LRP1: variants seen among roughly 807,000 people sequenced by gnomAD.
The protein encoded by LRP1 is prolow-density lipoprotein receptor-related protein 1.
In LRP1, 51 loss-of-function variants were observed where a neutral mutation model predicts 541.5. The observed-to-expected ratio is 0.09, with a 90% CI of 0.08 to 0.12. The LOEUF is 0.12. LRP1 is among the 10% of genes least tolerant of loss of function. The probability of loss-of-function intolerance (pLI) is 1.00; values close to 1 mark genes in which losing one functional copy is unlikely to be tolerated. For missense variants in LRP1, 3,878 were observed against 6,376.2 expected (o/e 0.61, Z 13.34); for synonymous variants, 2,219 against 2,470.8 (o/e 0.90, Z 3.02).
intron 61 of LRP1, among the ~76,000 whole-genome samples, 190 bp downstream of exon 61, chr12:57,199,590 T>C (rs765045836): frequency 1.3e-5 from 2 of 151,770 alleles, no homozygotes; most frequent in Non-Finnish European, 2.9e-5. Flanking sequence ...AGCCCTGGAG[T>C]CTGGCAGCAG....
At chr12:57,136,293 C>T (rs902510358) in intron 1 of LRP1, among the ~76,000 whole-genome samples, 1 of 150,916 alleles carries the variant, frequency 6.6e-6, no homozygotes. Flanking sequence ...TGAACTCGGT[C>T]ATTTTGGCCA....
At chr12:57,202,816 G>T in intron 68 of LRP1, 1 of 580,124 alleles carries the variant, frequency 1.7e-6, no homozygotes, top group South Asian at 2.0e-5. Context: ...CTCTGTCCCA[G>T]AGCCCCCCAT....
rs1325802119 is a variant in LRP1 at position 57,210,370 on chromosome 12, G to A, written c.12644G>A (p.Arg4215Gln). Residue 4215 changes from arginine to glutamine, a missense_variant, in exon 82 of 89, where the codon CGG becomes CAG. Physicochemically the swap from Arg to Gln is conservative, Grantham distance 43. Coordinates refer to ENST00000243077, the MANE Select transcript of LRP1 (RefSeq NM_002332.3). ...FNGGSCFLNA[R>Q]RQPKCRCQPR... ...GGTGGCAGCTGTTTCCTCAATGCAC[G>A]GAGGCAGCCCAAGTGCCGCTGCCAA... is the stretch of plus-strand genomic sequence containing the variant. The A allele has an allele frequency of 9.3e-6, 15 of 1,604,536 alleles. No individual in the cohort carries two copies. The highest frequency in any genetic ancestry group is 1.0e-5 in the Non-Finnish European group (12 of 1,174,582).
intron 6 of LRP1, chr12:57,148,928 C>A: frequency 1.8e-6 from 1 of 566,660 alleles, no homozygotes; most frequent in Non-Finnish European, 3.2e-6. Context: ...GTCCAGCTGG[C>A]CAACTTCACT....
In LRP1 at chr12:57,184,299, A is replaced by AC; in HGVS notation, c.6060-22dup. On this transcript the variant is annotated intron_variant, in intron 37 of 88. Coordinates refer to ENST00000243077, the MANE Select transcript of LRP1 (RefSeq NM_002332.3). The surrounding 1 kb of genome is among the most constrained non-coding windows in gnomAD (Gnocchi z 7.8). ...TGTCTCCTCCAGGGTCTGAGGACTG[A>AC]CCCCCACTTCCACCCCCACCCTACA... 2 of 1,613,834 alleles carry AC rather than the reference A, an allele frequency of 1.2e-6. No individual in the cohort carries two copies. The highest frequency in any genetic ancestry group is 1.7e-6 in the Non-Finnish European group (2 of 1,179,942).
Position 57,210,066 on chromosome 12 carries a change from C to T in LRP1, c.12477C>T (p.Leu4159=). 6.2e-7 allele frequency: 1 copy of T among 1,613,252 alleles called. No individual in the cohort carries two copies. Among genetic ancestry groups the T allele is most frequent in the Non-Finnish European group, 8.5e-7 (1 of 1,179,576 alleles). The change falls in exon 81 of 89, where the codon CTC becomes CTT. Residue 4159 remains leucine, a synonymous_variant. Transcript: ENST00000243077. The stretch of plus-strand genomic sequence containing the variant: ...GTGACCGCAAGAAATGCGAGTGGCT[C>T]TGCCTGCTGAGCCCCAGTGGGCCTG... ...NPCDRKKCEW[L]CLLSPSGPVC... is the part of the protein sequence containing the mutation.
In LRP1 at chr12:57,204,344, C is replaced by A. The variant is rs747421692; in HGVS notation, c.10952-66C>A. The A allele has an allele frequency of 2.1e-5, 31 of 1,464,490 alleles. No homozygotes were observed. The highest frequency in any genetic ancestry group is 2.8e-5 in the Non-Finnish European group (31 of 1,104,862). The allele number at this position is 1,464,490 out of a possible 1,614,324, so 90.7% of individuals were successfully genotyped here. ...GACCCCTCTGAGCCTGGAACCCCCA[C>A]CTGTGGAGACAGGGGTCTGGGTGGG... is the stretch of plus-strand genomic sequence containing the variant. On this transcript the variant is annotated intron_variant, in intron 70 of 88. Transcript: ENST00000243077. This position sits in a 1 kb window ranked among gnomAD's most constrained non-coding sequence, Gnocchi z 5.3.
At chr12:57,192,274 C>T (rs1484661705) in intron 44 of LRP1, among the ~76,000 whole-genome samples, 1 of 152,034 alleles carries the variant, frequency 6.6e-6, no homozygotes, top group Non-Finnish European at 1.5e-5. Flanking sequence ...CCCTTCCCAC[C>T]AAGGCATCTA....
intron 20 of LRP1, among the ~76,000 whole-genome samples, chr12:57,171,755 G>A (rs1431604013): frequency 6.6e-6 from 1 of 152,150 alleles, no homozygotes. Flanking sequence ...CCAGGGTAGG[G>A]AAGGGGGAGG....
chr12:57,181,808 G>C (rs1443873750), intron 34 of LRP1, among the ~76,000 whole-genome samples: 1 of 152,170 alleles, frequency 6.6e-6, no homozygotes, highest in Non-Finnish European at 1.5e-5. Context: ...GAGATGATGG[G>C]CCTGGGCTGG....
At chr12:57,161,195 G>A in intron 13 of LRP1, 80 bp downstream of exon 13, 1 of 1,350,568 alleles carries the variant, frequency 7.4e-7, no homozygotes, top group Non-Finnish European at 1.0e-6. Context: ...TTCTGTGTGA[G>A]TATGTGGGTA....
intron 16 of LRP1, 53 bp from the exon 17 acceptor site, chr12:57,166,031 G>A (rs1284098904): frequency 6.2e-7 from 1 of 1,613,284 alleles, no homozygotes; most frequent in African/African-American, 1.3e-5. Flanking sequence ...GGAGCGGGCA[G>A]GAAGCTGGGG....
At position 57,200,825 on chromosome 12, in the gene LRP1, T is replaced by TGGGGGC; in HGVS notation, c.10225+11_10225+12insGGGGCG. On this transcript the variant is annotated intron_variant, in intron 64 of 88. Transcript: ENST00000243077. ...GACGAGGCCAACTGTGGTAAGGCGC[T>TGGGGGC]GCCCGCCCACCCTCCCTCCTTCCCC... 7 of 1,595,840 alleles carry TGGGGGC rather than the reference T, an allele frequency of 4.4e-6. No individual in the cohort carries two copies. The highest frequency in any genetic ancestry group is 1.7e-4 in the Middle Eastern group (1 of 5,966).
Position 57,128,943 on chromosome 12 carries a change from G to A in LRP1, c.-22G>A. ...TAGCAGGACCAGAGGGGAAGGGGCT[G>A]CTGCTTGCATCAGCCCACACCATGC... On this transcript the variant is annotated 5_prime_UTR_variant, in exon 1 of 89. Coordinates refer to ENST00000243077, the MANE Select transcript of LRP1 (RefSeq NM_002332.3). 2 of 1,539,702 alleles carry A rather than the reference G, an allele frequency of 1.3e-6. No homozygotes were observed. The highest frequency in any genetic ancestry group is 1.8e-6 in the Non-Finnish European group (2 of 1,137,672).
At position 57,157,000 on chromosome 12, in the gene LRP1, CTCTG is replaced by C; in HGVS notation, c.1561+85_1561+88del. 1.4e-6 allele frequency: 2 copies of C among 1,442,298 alleles called. No homozygotes were observed. The highest frequency in any genetic ancestry group is 1.8e-6 in the Non-Finnish European group (2 of 1,084,472). The allele number at this position is 1,442,298 out of a possible 1,614,324, so 89.3% of individuals were successfully genotyped here. A position where few individuals can be genotyped will look rare whatever the true frequency, so the allele number is the denominator to read the frequency against. On this transcript the variant is annotated intron_variant, in intron 10 of 88. Transcript: ENST00000243077. This position sits in a 1 kb window ranked among gnomAD's most constrained non-coding sequence, Gnocchi z 5.2. ...CAGGTGTCCCCCACAGCCCGGCTGC[CTCTG>C]TCTGACATGCAGGGAGATGAAGGAA...
Position 57,197,246 on chromosome 12 carries a change from G to A in LRP1, c.9077-53G>A, listed in dbSNP as rs931383776. On this transcript the variant is annotated intron_variant, in intron 56 of 88. Coordinates refer to ENST00000243077, the MANE Select transcript of LRP1 (RefSeq NM_002332.3). This position sits in a 1 kb window ranked among gnomAD's most constrained non-coding sequence, Gnocchi z 4.5. The stretch of plus-strand genomic sequence containing the variant: ...GTGGCAGAGCTCCAGACAGGCAGGA[G>A]ACCAGGGCCGCTAGAATGTGCCAGG... 1.2e-6 allele frequency: 2 copies of A among 1,612,616 alleles called. No homozygotes were observed. Among genetic ancestry groups the A allele is most frequent in the African/African-American group, 1.3e-5 (1 of 74,888 alleles).
At position 57,211,772 on chromosome 12, in the gene LRP1, C is replaced by A. The variant is rs779134187; in HGVS notation, c.13216C>A (p.Pro4406Thr). Reference protein sequence around the residue: ...ECQCPPHMTGPRCEEHVFSQQ... With the variant: ...ECQCPPHMTGTRCEEHVFSQQ... ...CAGGTGCCCACCCCACATGACAGGG[C>A]CCCGGTGTGAGGAGCACGTCTTCAG... Residue 4406 changes from proline to threonine, a missense_variant, in exon 86 of 89, where the codon CCC becomes ACC. Pro to Thr is a conservative substitution (Grantham distance 38). Coordinates refer to ENST00000243077, the MANE Select transcript of LRP1 (RefSeq NM_002332.3). The surrounding 1 kb of genome is among the most constrained non-coding windows in gnomAD (Gnocchi z 4.3). 5 of 1,613,042 alleles carry A rather than the reference C, an allele frequency of 3.1e-6. No individual in the cohort carries two copies. The South Asian group carries it at 4.4e-5, about 14-fold the overall frequency.
rs544723463 is a variant in LRP1, at chr12:57,183,711, A to G, written c.5795-64A>G. On this transcript the variant is annotated intron_variant, in intron 35 of 88. Transcript: ENST00000243077. This position sits in a 1 kb window ranked among gnomAD's most constrained non-coding sequence, Gnocchi z 6.1. ...TCACCTCTGTCTTGAGCCTTGTGAG[A>G]TTTTGACCCCTCACCTTACCCCTGC... 1.6e-5 allele frequency: 25 copies of G among 1,601,450 alleles called. No homozygotes were observed. Among genetic ancestry groups the G allele is most frequent in the Non-Finnish European group, 2.0e-5 (24 of 1,174,352 alleles).
chr12:57,203,526 G>A lies in LRP1; in HGVS notation c.10951+5G>A, dbSNP rs1478220652. 8.5e-6 allele frequency: 13 copies of A among 1,527,542 alleles called. 1 individual carries two copies. Among genetic ancestry groups the A allele is most frequent in the African/African-American group, 4.1e-5 (3 of 72,842 alleles). The allele number at this position is 1,527,542 out of a possible 1,614,324, so 94.6% of individuals were successfully genotyped here. A position where few individuals can be genotyped will look rare whatever the true frequency, so the allele number is the denominator to read the frequency against. On this transcript the variant is annotated splice_donor_5th_base_variant and intron_variant, in intron 70 of 88. Transcript: ENST00000243077. ...AGGAGGCCTGCGGCACTGGCGGTGC[G>A]CCCCTTGGCTTGGTCTCCCTGGGTC...
Sources: allele counts gnomAD v4.1 joint callset (sites outside exome capture counted in the v4.1 genomes callset), GRCh38; gene constraint gnomAD v4.1.1; non-coding constraint Gnocchi (gnomAD v3.1); transcripts MANE v1.5; gene names NCBI Gene and HGNC (gene_info 2026-07-23, HGNC 2026-07-21).